TIAM2: variants seen among roughly 807,000 people sequenced by gnomAD.
TIAM2 encodes TIAM Rac1 associated GEF 2.
A neutral mutation model predicts 152.9 loss-of-function variants in TIAM2; 80 were observed. That is an observed-to-expected ratio of 0.52 (90% CI 0.44 to 0.63). The LOEUF (loss-of-function observed/expected upper bound fraction) is 0.63, where lower values mean the gene tolerates loss of function less well. TIAM2 is among the 30% of genes least tolerant of loss of function. TIAM2 has a pLI of 0.00. For synonymous variants in TIAM2, 804 were observed against 838.0 expected (o/e 0.96, Z 0.70); for missense variants, 1,965 against 2,120.1 (o/e 0.93, Z 1.44).
chr6:155,224,293 TTC>T (rs1482252817), intron 15 of TIAM2, among the ~76,000 whole-genome samples: 1 of 152,218 alleles, frequency 6.6e-6, no homozygotes, highest in Non-Finnish European at 1.5e-5. Context: ...TGAGAAATTG[TTC>T]TGAGTCATTT....
chr6:155,235,092 C>G (rs569998719), intron 15 of TIAM2, among the ~76,000 whole-genome samples: 1 of 152,302 alleles, frequency 6.6e-6, no homozygotes, highest in East Asian at 1.9e-4. Context: ...GGGCCCTGTG[C>G]CATTTAAGGT....
In TIAM2 at chr6:155,007,023, G is replaced by C. The variant is rs1007420726; in HGVS notation, c.-209+11531G>C. ...GTATTTTTTGTGGAGAAAGGGTCTT[G>C]CCATGTTGCTCAGGCTGGTCTACTA... On this transcript the variant is annotated intron_variant, in intron 1 of 26. Coordinates refer to ENST00000682666, the MANE Select transcript of TIAM2 (RefSeq NM_012454.4). 4.6e-5 allele frequency among the ~76,000 whole-genome samples: 7 copies of C among 152,250 alleles called. No homozygotes were observed. In the East Asian group the frequency reaches 7.7e-4, roughly 17 times the overall value.
chr6:155,019,837 G>C (rs944287683), intron 1 of TIAM2, among the ~76,000 whole-genome samples: 2 of 152,238 alleles, frequency 1.3e-5, no homozygotes, highest in African/African-American at 4.8e-5. Flanking sequence ...GGCGGATCAC[G>C]AGGTCAAGAG....
chr6:155,120,949 C>G (rs1469423900), intron 2 of TIAM2, among the ~76,000 whole-genome samples: 1 of 152,154 alleles, frequency 6.6e-6, no homozygotes, highest in African/African-American at 2.4e-5. Context: ...CATTTCCTAA[C>G]GTGAGTTATC....
chr6:155,232,115 T>C (rs577477679), intron 15 of TIAM2, among the ~76,000 whole-genome samples: 12 of 151,982 alleles, frequency 7.9e-5, no homozygotes, highest in Non-Finnish European at 1.5e-4. Context: ...AAACAAAAAC[T>C]GGGGAAGTAG....
chr6:155,045,847 T>TTTG (rs1296996543), intron 1 of TIAM2, among the ~76,000 whole-genome samples: 2 of 148,918 alleles, frequency 1.3e-5, no homozygotes, highest in African/African-American at 2.5e-5. Context: ...CCTCTTTTTT[T>TTTG]TTTTTTTTTT....
At chr6:155,231,745 G>A (rs1371186942) in intron 15 of TIAM2, among the ~76,000 whole-genome samples, 1 of 152,246 alleles carries the variant, frequency 6.6e-6, no homozygotes, top group Non-Finnish European at 1.5e-5. Context: ...TGTTCCCACT[G>A]TGCAGTCCAG....
rs10568542 is a variant in TIAM2 at position 155,257,579 on chromosome 6, AAGAT to A, written c.*463_*466del. 0.72 allele frequency: 319,963 copies of A among 445,690 alleles called. 117,016 individuals are homozygous for A. Among genetic ancestry groups the A allele is most frequent in the East Asian group, 0.99 (23,070 of 23,376 alleles). The allele number at this position is 445,690 out of a possible 1,614,324, so 27.6% of individuals were successfully genotyped here. A position where few individuals can be genotyped will look rare whatever the true frequency, so the allele number is the denominator to read the frequency against. The stretch of plus-strand genomic sequence containing the variant: ...AAATGTGCAGATACTTCATTTTTGT[AAGAT>A]AGATTGTAATAGATGCTGTTTATAC... On this transcript the variant is annotated 3_prime_UTR_variant, in exon 27 of 27. Transcript: ENST00000682666.
At chr6:155,245,508 C>A in intron 18 of TIAM2, 115 bp from the exon 19 acceptor site, 2 of 869,562 alleles carry the variant, frequency 2.3e-6, no homozygotes, top group Non-Finnish European at 3.7e-6. Context: ...GTTTGAACTT[C>A]TCCAAGGCAT....
chr6:155,242,809 C>T (rs953982671), intron 16 of TIAM2, among the ~76,000 whole-genome samples: 1 of 152,148 alleles, frequency 6.6e-6, no homozygotes, highest in African/African-American at 2.4e-5. Flanking sequence ...GATCTTGGCT[C>T]ACTGCAACCT....
In TIAM2 at chr6:155,156,669, A is replaced by AATAC. The variant is rs1233090784; in HGVS notation, c.2029-7743_2029-7742insCATA. On this transcript the variant is annotated intron_variant, in intron 7 of 26. Coordinates refer to ENST00000682666, the MANE Select transcript of TIAM2 (RefSeq NM_012454.4). This position sits in a 1 kb window ranked among gnomAD's most constrained non-coding sequence, Gnocchi z 4.4. ...TGATATGTCTCAAAATAAATAAATA[A>AATAC]ATAAATAAAGTAAAAAAATAAAAAG... Among the ~76,000 whole-genome samples the AATAC allele has an allele frequency of 6.6e-6, 1 of 152,050 alleles. No individual in the cohort carries two copies. Among genetic ancestry groups the AATAC allele is most frequent in the African/African-American group, 2.4e-5 (1 of 41,408 alleles).
At chr6:155,037,695 A>G (rs1488686598) in intron 1 of TIAM2, among the ~76,000 whole-genome samples, 2 of 151,884 alleles carry the variant, frequency 1.3e-5, no homozygotes, top group African/African-American at 4.8e-5. Flanking sequence ...ACGCCTGCCT[A>G]ATTTTTGTAT....
rs57784770 is a variant in TIAM2, at chr6:155,185,490, TTTTATTTATTTATTTATTTATTTATTTA to T, written c.3064+2013_3064+2040del. Among the ~76,000 whole-genome samples, 523 of 146,048 alleles carry T rather than the reference TTTTATTTATTTATTTATTTATTTATTTA, an allele frequency of 3.6e-3. 6 individuals are homozygous for T. The highest frequency in any genetic ancestry group is 0.012 in the African/African-American group (470 of 39,494). ...GGATCAAGCAGGTGAGTTAAGCCAC[TTTTATTTATTTATTTATTTATTTATTTA>T]TTTATTTATTTATTTATTTATTGGC... On this transcript the variant is annotated intron_variant, in intron 14 of 26. Coordinates refer to ENST00000682666, the MANE Select transcript of TIAM2 (RefSeq NM_012454.4).
At chr6:154,997,622 A>T (rs1464943009) in intron 1 of TIAM2, among the ~76,000 whole-genome samples, 1 of 149,018 alleles carries the variant, frequency 6.7e-6, no homozygotes, top group African/African-American at 2.5e-5. Context: ...GAGTGAAGAA[A>T]GAATGGATTT....
chr6:155,142,474 A>AG (rs2115057173), intron 5 of TIAM2, among the ~76,000 whole-genome samples: 1 of 152,340 alleles, frequency 6.6e-6, no homozygotes, highest in East Asian at 1.9e-4. Context: ...GTGTTAGGGA[A>AG]GCTGGGAAGT....
chr6:155,119,618 C>A (rs920646042), intron 2 of TIAM2, among the ~76,000 whole-genome samples: 1 of 152,312 alleles, frequency 6.6e-6, no homozygotes, highest in Admixed American at 6.5e-5. Context: ...GGATTACAGG[C>A]GTGAGCCACC....
intron 7 of TIAM2, among the ~76,000 whole-genome samples, chr6:155,164,133 G>GTTTTGTTTTTT (rs1780349793): frequency 8.5e-6 from 1 of 118,006 alleles, no homozygotes; most frequent in Non-Finnish European, 1.7e-5. Flanking sequence ...TAATTTTTGT[G>GTTTTGTTTTTT]TTTTTTTTTT....
intron 2 of TIAM2, among the ~76,000 whole-genome samples, chr6:155,108,193 A>T (rs924396859): frequency 6.6e-6 from 1 of 152,182 alleles, no homozygotes; most frequent in African/African-American, 2.4e-5. Context: ...GTTCGTTTTC[A>T]GCTGTGCTGG....
chr6:155,257,665 T>C lies in TIAM2; in HGVS notation c.*544T>C. 1.4e-6 allele frequency: 1 copy of C among 700,710 alleles called. No homozygotes were observed. Among genetic ancestry groups the C allele is most frequent in the Non-Finnish European group, 2.4e-6 (1 of 422,440 alleles). The allele number at this position is 700,710 out of a possible 1,614,324, so 43.4% of individuals were successfully genotyped here. ...ATTAAAAGAAAGCTTGTACTGTATC[T>C]TATTTGATGATATTTATTTTCTCTG... On this transcript the variant is annotated 3_prime_UTR_variant, in exon 27 of 27. Transcript: ENST00000682666.
Sources: allele counts gnomAD v4.1 joint callset (sites outside exome capture counted in the v4.1 genomes callset), GRCh38; gene constraint gnomAD v4.1.1; non-coding constraint Gnocchi (gnomAD v3.1); transcripts MANE v1.5; gene names NCBI Gene and HGNC (gene_info 2026-07-23, HGNC 2026-07-21).